The following FOXP4 variants were observed in gnomAD, a reference collection of about 807,000 sequenced individuals.
The protein encoded by FOXP4 is forkhead box P4.
Under a neutral mutation model 82.6 loss-of-function variants are expected in FOXP4, and 25 were observed. That is an observed-to-expected ratio of 0.30 (90% CI 0.22 to 0.42). The LOEUF is 0.42. Ranked by LOEUF, FOXP4 falls within the 10% of genes least tolerant of loss-of-function variation. The pLI, the probability that FOXP4 is intolerant of heterozygous loss-of-function variation, is 1.00. For missense variants in FOXP4, 785 were observed against 900.9 expected, an observed-to-expected ratio of 0.87 and a Z score of 1.65; for synonymous variants, 415 against 388.2, an observed-to-expected ratio of 1.07 and a Z score of -0.81.
chr6:41,585,541 C>G, intron 5 of FOXP4, 24 bp downstream of exon 5: 1 of 1,605,862 alleles, frequency 6.2e-7, no homozygotes, highest in Non-Finnish European at 8.5e-7. Context: ...CCAGGGCCCA[C>G]CACCGCCCTC....
At chr6:41,580,100 G>A (rs1765714187) in intron 3 of FOXP4, among the ~76,000 whole-genome samples, 1 of 143,338 alleles carries the variant, frequency 7.0e-6, no homozygotes, top group Admixed American at 7.3e-5. Context: ...GGAGTGCAAT[G>A]CCGTGATTTC....
chr6:41,586,230 G>C (rs2127390176), intron 5 of FOXP4, among the ~76,000 whole-genome samples: 1 of 152,188 alleles, frequency 6.6e-6, no homozygotes, highest in Non-Finnish European at 1.5e-5. Flanking sequence ...TAAATCTCTA[G>C]GCTAAGTTTA....
intron 5 of FOXP4, among the ~76,000 whole-genome samples, chr6:41,586,740 A>T (rs1226026836): frequency 6.6e-6 from 1 of 152,062 alleles, no homozygotes; most frequent in African/African-American, 2.4e-5. Flanking sequence ...GGGAGGCGGG[A>T]GGAGGGAGGG....
chr6:41,599,019 TC>T lies in FOXP4; in HGVS notation c.*86del. The T allele has an allele frequency of 7.6e-6, 11 of 1,447,164 alleles. No individual in the cohort carries two copies. Among genetic ancestry groups the T allele is most frequent in the East Asian group, 2.5e-5 (1 of 40,174 alleles). 89.6% of individuals were successfully genotyped at this position (1,447,164 alleles called of 1,614,324 possible). On this transcript the variant is annotated 3_prime_UTR_variant, in exon 17 of 17. Coordinates refer to ENST00000307972, the MANE Select transcript of FOXP4 (RefSeq NM_001012426.2). ...CCATCTCCCCCAACTCCACAGCCCC[TC>T]CCGAGCCTCAAGGCAAGTCCAGGAC...
intron 2 of FOXP4, among the ~76,000 whole-genome samples, chr6:41,570,617 A>C (rs1200735113): frequency 6.6e-6 from 1 of 151,932 alleles, no homozygotes; most frequent in Non-Finnish European, 1.5e-5. Context: ...GAGCCAGCCC[A>C]CTCTACCAGC....
At chr6:41,585,737 T>G (rs1240979422) in intron 5 of FOXP4, among the ~76,000 whole-genome samples, 2 of 152,082 alleles carry the variant, frequency 1.3e-5, no homozygotes, top group Admixed American at 6.5e-5. Flanking sequence ...TTGCCTCGTG[T>G]TGTTGTCTCT....
chr6:41,587,635 T>C, intron 7 of FOXP4, 123 bp downstream of exon 7: 1 of 854,190 alleles, frequency 1.2e-6, no homozygotes. Context: ...TCACTCCCTC[T>C]CCACTCCCTC....
At position 41,546,740 on chromosome 6, in the gene FOXP4, G is replaced by T. The variant is rs1763641858; in HGVS notation, c.-144G>T. The T allele has an allele frequency of 6.8e-6, 1 of 146,662 alleles. No homozygotes were observed. Among genetic ancestry groups the T allele is most frequent in the Non-Finnish European group, 1.5e-5 (1 of 65,938 alleles). 9.1% of individuals were successfully genotyped at this position (146,662 alleles called of 1,614,324 possible). ...CGCTGGGAGGACGCCCGGGAGCTGC[G>T]CGACGCGGGGCGGCGCGGAAGGGCA... On this transcript the variant is annotated 5_prime_UTR_variant, in exon 1 of 17. Transcript: ENST00000307972.
chr6:41,591,240 A>G lies in FOXP4; in HGVS notation c.1454A>G (p.Asp485Gly). Residue 485 changes from aspartate (D) to glycine (G), a missense_variant, in exon 13 of 17, where the codon GAC becomes GGC. This residue lies in a region of FOXP4 where 570 missense variants were observed against 634.0 expected (regional missense o/e 0.90). Transcript: ENST00000307972. The surrounding 1 kb of genome is among the most constrained non-coding windows in gnomAD (Gnocchi z 4.2). ...LIRQAILETPDRQLTLNEIYN... is the reference protein window; with the variant it reads ...LIRQAILETPGRQLTLNEIYN... ...CCGCAGGCCATCCTGGAAACCCCTG[A>G]CAGGCAGCTGACCCTGAATGAGATC... is the stretch of plus-strand genomic sequence containing the variant. 1 of 1,609,908 alleles carries G rather than the reference A, an allele frequency of 6.2e-7. No individual in the cohort carries two copies. The highest frequency in any genetic ancestry group is 8.5e-7 in the Non-Finnish European group (1 of 1,178,130).
intron 15 of FOXP4, 85 bp downstream of exon 15, chr6:41,597,327 A>T: frequency 7.1e-7 from 1 of 1,403,504 alleles, no homozygotes; most frequent in South Asian, 1.2e-5. Context: ...TCCCCTGCAG[A>T]GGACTCACCA....
chr6:41,590,504 C>T (rs983909485), intron 12 of FOXP4, among the ~76,000 whole-genome samples, 157 bp downstream of exon 12: 3 of 152,156 alleles, frequency 2.0e-5, no homozygotes, highest in African/African-American at 4.8e-5. Context: ...GTGCGGGGCT[C>T]TCCTGCAGGC....
chr6:41,551,565 A>T (rs999255476), intron 1 of FOXP4, among the ~76,000 whole-genome samples: 1 of 152,122 alleles, frequency 6.6e-6, no homozygotes. Context: ...TGCAAGATAG[A>T]GGTAAATGGT....
In FOXP4 at chr6:41,594,924, G is replaced by A. The variant is rs1249158517; in HGVS notation, c.1591G>A (p.Val531Ile). The A allele has an allele frequency of 1.9e-5, 30 of 1,614,082 alleles. No individual in the cohort carries two copies. The highest frequency in any genetic ancestry group is 2.5e-5 in the Non-Finnish European group (29 of 1,180,042). ...LHKCFVRVEN[V>I]KGAVWTVDER... ...CAAGTGCTTCGTCCGCGTGGAGAAC[G>A]TCAAGGGTGCCGTGTGGACTGTGGA... The change falls in exon 14 of 17, where the codon GTC (valine) becomes ATC (isoleucine). Residue 531 changes from valine (V) to isoleucine (I), a missense_variant. This residue lies in a region of FOXP4 where 31 missense variants were observed against 79.6 expected (regional missense o/e 0.39). Transcript: ENST00000307972.
At chr6:41,568,463 G>A (rs184153013) in intron 2 of FOXP4, among the ~76,000 whole-genome samples, 16 of 152,306 alleles carry the variant, frequency 1.1e-4, no homozygotes, top group East Asian at 7.7e-4. Context: ...TCACACAGTC[G>A]CTGTGGGAAA....
At chr6:41,581,074 C>T (rs915579482) in intron 3 of FOXP4, among the ~76,000 whole-genome samples, 3 of 152,230 alleles carry the variant, frequency 2.0e-5, no homozygotes, top group African/African-American at 7.2e-5. Context: ...GGGGCCTTGG[C>T]TTCGTCCATC....
At chr6:41,551,138 C>T (rs561122875) in intron 1 of FOXP4, among the ~76,000 whole-genome samples, 1 of 152,346 alleles carries the variant, frequency 6.6e-6, no homozygotes, top group Admixed American at 6.5e-5. Flanking sequence ...ACTTTGGATG[C>T]TGTGGTCTTG....
rs190878662 is a variant in FOXP4 at position 41,594,096 on chromosome 6, G to A, written c.1537-774G>A. Among the ~76,000 whole-genome samples, 49 of 152,242 alleles carry A rather than the reference G, an allele frequency of 3.2e-4. No individual in the cohort carries two copies. The Middle Eastern group carries it at 0.014, about 42-fold the overall frequency. On this transcript the variant is annotated intron_variant, in intron 13 of 16. Coordinates refer to ENST00000307972, the MANE Select transcript of FOXP4 (RefSeq NM_001012426.2). Reference sequence around the variant, plus strand: ...TCCGGGCTCCCATGGTGGTGAGGGGGGAATTGGGCCAAGCACCCCGCCCTC... The same window carrying A: ...TCCGGGCTCCCATGGTGGTGAGGGGAGAATTGGGCCAAGCACCCCGCCCTC...
intron 1 of FOXP4, among the ~76,000 whole-genome samples, chr6:41,562,218 G>A (rs966635716): frequency 1.3e-5 from 2 of 152,184 alleles, no homozygotes; most frequent in Non-Finnish European, 2.9e-5. Flanking sequence ...TGCAGGTTTG[G>A]GGGGTATGTT....
intron 4 of FOXP4, among the ~76,000 whole-genome samples, 198 bp from the exon 5 acceptor site, chr6:41,585,233 G>A (rs1468938686): frequency 2.6e-5 from 4 of 152,074 alleles, no homozygotes; most frequent in African/African-American, 2.4e-5. Flanking sequence ...CAGAGCTGTG[G>A]GAATGAAACT....
Sources: gnomAD v4.1 joint callset for allele counts (sites outside exome capture counted in the v4.1 genomes callset) on GRCh38, gnomAD v4.1.1 for gene constraint, gnomAD v4.1.1 regional missense constraint, Gnocchi (gnomAD v3.1) non-coding constraint, MANE v1.5 for transcripts, NCBI Gene and HGNC (gene_info 2026-07-23, HGNC 2026-07-21) for gene names.